NCKAP5: variants seen among roughly 807,000 people sequenced by gnomAD.
NCKAP5 encodes the protein nck-associated protein 5.
In NCKAP5, 92 loss-of-function variants were observed where a neutral mutation model predicts 167.0. The ratio of observed to expected loss-of-function variants is 0.55; its 90% CI spans 0.47 to 0.66. The LOEUF is 0.66. NCKAP5 is among the 30% of genes least tolerant of loss of function. The pLI is 0.00. For synonymous variants in NCKAP5, 891 were observed against 877.4 expected (o/e 1.02, Z -0.27); for missense variants, 2,378 against 2,315.0 (o/e 1.03, Z -0.56).
chr2:133,157,733 A>G (rs2083626695), intron 5 of NCKAP5, among the ~76,000 whole-genome samples: 1 of 151,322 alleles, frequency 6.6e-6, no homozygotes, highest in African/African-American at 2.4e-5. Flanking sequence ...GTATAAAAAG[A>G]AACTGCATAG....
At chr2:133,261,107 G>T (rs1365824106) in intron 4 of NCKAP5, among the ~76,000 whole-genome samples, 4 of 152,160 alleles carry the variant, frequency 2.6e-5, no homozygotes, top group African/African-American at 9.7e-5. Context: ...CTGAGAAATG[G>T]AAAAGAATAA....
Position 133,479,353 on chromosome 2 carries a change from C to T in NCKAP5, c.69+38105G>A, listed in dbSNP as rs185283868. ...ATTACTGTTACAATCACTTTGCTAA[C>T]GAAGTAACCAAGGTTGCTTGCCCAG... On this transcript the variant is annotated intron_variant, in intron 3 of 19. Coordinates refer to ENST00000409261, the MANE Select transcript of NCKAP5 (RefSeq NM_207363.3). 1.9e-3 allele frequency among the ~76,000 whole-genome samples: 296 copies of T among 152,268 alleles called. 1 individual carries two copies. The highest frequency in any genetic ancestry group is 5.8e-3 in the African/African-American group (241 of 41,540).
chr2:133,644,814 C>A, the NCKAP5 span, among the ~76,000 whole-genome samples: 1 of 152,086 alleles, frequency 6.6e-6, no homozygotes, highest in Non-Finnish European at 1.5e-5. Context: ...ATAATCAATA[C>A]ATGTTATATC....
chr2:132,683,123 A>G (rs945350414), intron 19 of NCKAP5, among the ~76,000 whole-genome samples: 2 of 152,110 alleles, frequency 1.3e-5, no homozygotes. Flanking sequence ...ACCTCAGGCC[A>G]TCCACCTGCC....
At chr2:133,475,466 G>C (rs1017268605) in intron 3 of NCKAP5, among the ~76,000 whole-genome samples, 1 of 152,132 alleles carries the variant, frequency 6.6e-6, no homozygotes, top group African/African-American at 2.4e-5. Flanking sequence ...AAAGGCTCAA[G>C]AGCAGAAACT....
At chr2:133,181,603 C>CAAAAAAAA (rs34264277) in intron 5 of NCKAP5, among the ~76,000 whole-genome samples, 10 of 71,152 alleles carry the variant, frequency 1.4e-4, no homozygotes, top group African/African-American at 5.8e-4. Flanking sequence ...CCCATCTCTA[C>CAAAAAAAA]AAAAAAAAAA....
At chr2:132,830,657 T>C (rs1188722555) in intron 11 of NCKAP5, among the ~76,000 whole-genome samples, 1 of 152,220 alleles carries the variant, frequency 6.6e-6, no homozygotes, top group African/African-American at 2.4e-5. Context: ...TGGTAAATAA[T>C]GCATAGCTGC....
chr2:133,674,662 T>C, the NCKAP5 span, among the ~76,000 whole-genome samples: 1 of 151,970 alleles, frequency 6.6e-6, no homozygotes, highest in Non-Finnish European at 1.5e-5. Flanking sequence ...GAAGAGAAAA[T>C]TCTGTCCTTA....
intron 7 of NCKAP5, among the ~76,000 whole-genome samples, chr2:132,971,917 A>G (rs2076846968): frequency 6.6e-6 from 1 of 152,228 alleles, no homozygotes; most frequent in Non-Finnish European, 1.5e-5. Context: ...AGAACACTAC[A>G]GGTAATTCTA....
intron 3 of NCKAP5, among the ~76,000 whole-genome samples, chr2:133,435,310 C>T (rs1209578535): frequency 6.6e-6 from 1 of 152,180 alleles, no homozygotes; most frequent in East Asian, 1.9e-4. Context: ...TGGAAAATCC[C>T]AGACGAGTTT....
chr2:133,429,954 TC>T (rs1690053304), intron 3 of NCKAP5, among the ~76,000 whole-genome samples: 1 of 152,180 alleles, frequency 6.6e-6, no homozygotes, highest in East Asian at 1.9e-4. Flanking sequence ...GTATAAGTGT[TC>T]CCTTTTTCTC....
At chr2:133,331,703 G>A (rs1207379981) in intron 3 of NCKAP5, among the ~76,000 whole-genome samples, 2 of 152,220 alleles carry the variant, frequency 1.3e-5, no homozygotes, top group East Asian at 3.8e-4. Flanking sequence ...CTGGGCTACA[G>A]GTTGATGTCA....
intron 7 of NCKAP5, 97 bp downstream of exon 7, chr2:132,994,055 C>A: frequency 1.2e-6 from 1 of 842,454 alleles, no homozygotes; most frequent in South Asian, 2.0e-5. Context: ...CTGGAACACA[C>A]CTTTTATTTA....
At chr2:133,642,809 T>G in the NCKAP5 span, among the ~76,000 whole-genome samples, 1 of 152,238 alleles carries the variant, frequency 6.6e-6, no homozygotes, top group East Asian at 1.9e-4. Flanking sequence ...CAATCATTTA[T>G]AGCAGTAAAT....
intron 2 of NCKAP5, among the ~76,000 whole-genome samples, chr2:133,526,177 AAG>A (rs1684858200): frequency 9.1e-6 from 1 of 109,958 alleles, no homozygotes; most frequent in Non-Finnish European, 1.8e-5. Context: ...GGAAGGAAGG[AAG>A]GAAGGAAGGA....
At position 133,362,935 on chromosome 2, in the gene NCKAP5, G is replaced by GT. The variant is rs1032421899; in HGVS notation, c.70-59826dup. Among the ~76,000 whole-genome samples, 1,244 of 144,096 alleles carry GT rather than the reference G, an allele frequency of 8.6e-3. 11 individuals carry two copies. Among genetic ancestry groups the GT allele is most frequent in the Non-Finnish European group, 9.0e-3 (588 of 65,204 alleles). The allele number at this position is 144,096 out of a possible 152,430, so 94.5% of individuals were successfully genotyped here. A position where few individuals can be genotyped will look rare whatever the true frequency, so the allele number is the denominator to read the frequency against. On this transcript the variant is annotated intron_variant, in intron 3 of 19. Coordinates refer to ENST00000409261, the MANE Select transcript of NCKAP5 (RefSeq NM_207363.3). ...TGCCAGGCTAGTTTTTTCGTTTTTTGTTTTTTTTTTTCGGTAGAGATGGGG... is the reference window on the plus strand; with the variant it reads ...TGCCAGGCTAGTTTTTTCGTTTTTTGTTTTTTTTTTTTCGGTAGAGATGGGG...
the NCKAP5 span, among the ~76,000 whole-genome samples, chr2:133,633,668 G>C: frequency 2.6e-5 from 4 of 152,216 alleles, no homozygotes; most frequent in Non-Finnish European, 5.9e-5. Flanking sequence ...CTTAGAGATG[G>C]ACAGTATCGG....
At chr2:133,533,168 T>C (rs1685497534) in intron 2 of NCKAP5, among the ~76,000 whole-genome samples, 1 of 152,188 alleles carries the variant, frequency 6.6e-6, no homozygotes, top group Non-Finnish European at 1.5e-5. Flanking sequence ...GTTGGGAAGG[T>C]AACGTAAATG....
intron 8 of NCKAP5, among the ~76,000 whole-genome samples, chr2:132,923,150 G>A (rs76239533): frequency 6.6e-6 from 1 of 152,086 alleles, no homozygotes; most frequent in African/African-American, 2.4e-5. Context: ...CTCCTGAGAA[G>A]GCTTCCTGGA....
Sources: allele counts gnomAD v4.1 joint callset (sites outside exome capture counted in the v4.1 genomes callset), GRCh38; gene constraint gnomAD v4.1.1; transcripts MANE v1.5; gene names NCBI Gene and HGNC (gene_info 2026-07-23, HGNC 2026-07-21).